PLEKHB2: variants seen among roughly 807,000 people sequenced by gnomAD.
PLEKHB2 encodes pleckstrin homology domain containing B2, also known as pleckstrin homology domain-containing family B member 2.
Under a neutral mutation model 36.5 loss-of-function variants are expected in PLEKHB2, and 31 were observed. The observed-to-expected ratio is 0.85, with a 90% CI of 0.64 to 1.15. PLEKHB2 has a LOEUF of 1.15. PLEKHB2 is among the 50% of genes most tolerant of loss of function. The pLI is 0.00. For missense variants in PLEKHB2, 262 were observed against 295.3 expected (o/e 0.89, Z 0.83); for synonymous variants, 119 against 112.0 (o/e 1.06, Z -0.39).
intron 1 of PLEKHB2, among the ~76,000 whole-genome samples, chr2:131,116,648 T>C (rs1313074953): frequency 6.6e-6 from 1 of 152,062 alleles, no homozygotes; most frequent in Admixed American, 6.6e-5. Context: ...CGTGATCCAG[T>C]CACCTCCCAC....
chr2:131,127,050 A>G, intron 4 of PLEKHB2: 1 of 362,570 alleles, frequency 2.8e-6, no homozygotes, highest in Non-Finnish European at 5.0e-6. Context: ...TTAGATTCAC[A>G]GTGGGTAACG....
chr2:131,130,718 C>T lies in PLEKHB2; in HGVS notation c.294-3C>T. 1 of 1,605,674 alleles carries T rather than the reference C, an allele frequency of 6.2e-7. No homozygotes were observed. The highest frequency in any genetic ancestry group is 1.7e-5 in the Admixed American group (1 of 59,924). On this transcript the variant is annotated splice_polypyrimidine_tract_variant and splice_region_variant and intron_variant, in intron 4 of 7. Coordinates refer to ENST00000693505, the MANE Select transcript of PLEKHB2 (RefSeq NM_001100623.2). ...AATAAAGTACCCTTTTTCTTTTCTC[C>T]AGGGCCTGGAAATTTACACTCCAAG...
intron 1 of PLEKHB2, among the ~76,000 whole-genome samples, chr2:131,106,109 A>C (rs753678183): frequency 6.6e-6 from 1 of 151,274 alleles, no homozygotes; most frequent in South Asian, 2.1e-4. Context: ...TAGATTGAAA[A>C]CTCCGGAGGT....
At position 131,143,868 on chromosome 2, in the gene PLEKHB2, C is replaced by T. The variant is rs558280207; in HGVS notation, c.533-2769C>T. Among the ~76,000 whole-genome samples the T allele has an allele frequency of 7.9e-5, 12 of 152,260 alleles. 1 individual carries two copies. In the South Asian group the frequency reaches 2.3e-3, roughly 29 times the overall value. On this transcript the variant is annotated intron_variant, in intron 7 of 7. Coordinates refer to ENST00000693505, the MANE Select transcript of PLEKHB2 (RefSeq NM_001100623.2). The stretch of plus-strand genomic sequence containing the variant: ...GTATAGAGAGCACAGATATTGCAGA[C>T]GTGGTTGTTTAGGGCACTTCTGGAA...
chr2:131,106,463 T>C (rs1423607726), intron 1 of PLEKHB2, among the ~76,000 whole-genome samples: 1 of 152,142 alleles, frequency 6.6e-6, no homozygotes, highest in Non-Finnish European at 1.5e-5. Context: ...ACTGCCTGTT[T>C]AGTGTGGCCC....
At position 131,139,234 on chromosome 2, in the gene PLEKHB2, G is replaced by A. The variant is rs567314426; in HGVS notation, c.424-933G>A. Among the ~76,000 whole-genome samples, 6 of 152,228 alleles carry A rather than the reference G, an allele frequency of 3.9e-5. No individual in the cohort carries two copies. The East Asian group carries it at 7.7e-4, about 20-fold the overall frequency. ...TAGTTTGGGATGTGTGAAGCAAAAA[G>A]GAAACCCAGGTCCTCCCTCAGGTGC... On this transcript the variant is annotated intron_variant, in intron 6 of 7. Coordinates refer to ENST00000693505, the MANE Select transcript of PLEKHB2 (RefSeq NM_001100623.2).
intron 1 of PLEKHB2, among the ~76,000 whole-genome samples, chr2:131,111,839 ATTC>A (rs1266439520): frequency 6.6e-6 from 1 of 151,836 alleles, no homozygotes; most frequent in Non-Finnish European, 1.5e-5. Context: ...ATTGTCTCTG[ATTC>A]TTGAGGTTTT....
intron 6 of PLEKHB2, among the ~76,000 whole-genome samples, chr2:131,138,431 T>G (rs1286575773): frequency 6.6e-6 from 1 of 152,232 alleles, no homozygotes; most frequent in African/African-American, 2.4e-5. Flanking sequence ...TTCCTGGTTC[T>G]TGGTATAAAT....
At chr2:131,146,566 A>C in intron 7 of PLEKHB2, 71 bp from the exon 8 acceptor site, 3 of 1,489,894 alleles carry the variant, frequency 2.0e-6, no homozygotes, top group Non-Finnish European at 2.7e-6. Context: ...TGAAAGGAGA[A>C]CTGGTACTTT....
intron 1 of PLEKHB2, among the ~76,000 whole-genome samples, chr2:131,113,227 G>A (rs1346946966): frequency 2.0e-5 from 3 of 152,056 alleles, no homozygotes; most frequent in African/African-American, 7.2e-5. Flanking sequence ...GACTACAGGT[G>A]TGTGCCACCA....
rs756390812 is a variant in PLEKHB2 at position 131,146,940 on chromosome 2, G to C, written c.*167G>C. 3.6e-6 allele frequency: 2 copies of C among 558,730 alleles called. No individual in the cohort carries two copies. The highest frequency in any genetic ancestry group is 7.3e-5 in the Admixed American group (2 of 27,462). The allele number at this position is 558,730 out of a possible 1,614,324, so 34.6% of individuals were successfully genotyped here. ...AATCCACATAAGTACCACAGAGAAG[G>C]GTTTGAACTGTGCTATTTTGTTCAA... On this transcript the variant is annotated 3_prime_UTR_variant, in exon 8 of 8. Coordinates refer to ENST00000693505, the MANE Select transcript of PLEKHB2 (RefSeq NM_001100623.2).
At chr2:131,110,790 C>CT (rs1166123919) in intron 1 of PLEKHB2, among the ~76,000 whole-genome samples, 2 of 152,094 alleles carry the variant, frequency 1.3e-5, no homozygotes, top group Non-Finnish European at 2.9e-5. Context: ...TTTATATATG[C>CT]TTTTTTCTTT....
chr2:131,121,695 T>A (rs1696535828), intron 2 of PLEKHB2, among the ~76,000 whole-genome samples: 1 of 152,154 alleles, frequency 6.6e-6, no homozygotes, highest in African/African-American at 2.4e-5. Context: ...GTCTTTGTAA[T>A]TATGTGGCTG....
At chr2:131,109,264 C>G (rs1025662580) in intron 1 of PLEKHB2, among the ~76,000 whole-genome samples, 1 of 152,164 alleles carries the variant, frequency 6.6e-6, no homozygotes, top group African/African-American at 2.4e-5. Flanking sequence ...AAAACGAAAG[C>G]AGAGCACTGT....
intron 7 of PLEKHB2, among the ~76,000 whole-genome samples, chr2:131,144,781 G>T (rs1218249942): frequency 1.3e-5 from 2 of 152,216 alleles, no homozygotes; most frequent in East Asian, 3.8e-4. Context: ...GCAGCCAGGG[G>T]ACCTCAGCAT....
At chr2:131,145,603 G>A (rs1699203610) in intron 7 of PLEKHB2, among the ~76,000 whole-genome samples, 3 of 152,096 alleles carry the variant, frequency 2.0e-5, no homozygotes, top group African/African-American at 7.2e-5. Context: ...CCAAAGTGCT[G>A]GCATTACAGG....
chr2:131,144,392 T>A, intron 7 of PLEKHB2: 1 of 1,220,474 alleles, frequency 8.2e-7, no homozygotes, highest in Non-Finnish European at 1.0e-6. Context: ...TGGAGTCTTC[T>A]ATTTCTGTCT....
chr2:131,141,391 G>A (rs111417664), intron 7 of PLEKHB2, among the ~76,000 whole-genome samples: 3,280 of 152,160 alleles, frequency 0.022, 121 homozygotes, highest in African/African-American at 0.075. Flanking sequence ...TGTAATCCCA[G>A]CACTTTGGGA....
At chr2:131,127,297 G>A (rs77409296) in intron 4 of PLEKHB2, among the ~76,000 whole-genome samples, 2,627 of 152,238 alleles carry the variant, frequency 0.017, 43 homozygotes, top group African/African-American at 0.045. Flanking sequence ...GTGGTTGCTG[G>A]TAGTCCTTGG....
Sources: gnomAD v4.1 joint callset for allele counts (sites outside exome capture counted in the v4.1 genomes callset) on GRCh38, gnomAD v4.1.1 for gene constraint, MANE v1.5 for transcripts, NCBI Gene and HGNC (gene_info 2026-07-23, HGNC 2026-07-21) for gene names.